FOXP2: variants seen among roughly 807,000 people sequenced by gnomAD.
FOXP2 encodes the protein forkhead box P2, also known as forkhead box protein P2.
A neutral mutation model predicts 115.8 loss-of-function variants in FOXP2; 12 were observed. The observed-to-expected ratio is 0.10, with a 90% confidence interval of 0.07 to 0.17. The LOEUF is 0.17. FOXP2 is among the 10% of genes least tolerant of loss of function. FOXP2 has a pLI of 1.00. For missense variants in FOXP2, 629 were observed against 843.5 expected (o/e 0.75, Z 3.15); for synonymous variants, 328 against 297.7 (o/e 1.10, Z -1.05).
intron 2 of FOXP2, among the ~76,000 whole-genome samples, chr7:114,376,365 T>C (rs1792136666): frequency 6.6e-6 from 1 of 152,236 alleles, no homozygotes; most frequent in Admixed American, 6.5e-5. Flanking sequence ...CTCAGTTTCC[T>C]TATGTGTTAA....
At chr7:114,139,681 T>C (rs1213173152) in intron 1 of FOXP2, among the ~76,000 whole-genome samples, 1 of 152,202 alleles carries the variant, frequency 6.6e-6, no homozygotes, top group African/African-American at 2.4e-5. Flanking sequence ...AGGCTACTAC[T>C]GTATTGTAGC....
At chr7:114,277,764 A>G (rs942450786) in intron 1 of FOXP2, among the ~76,000 whole-genome samples, 1 of 151,978 alleles carries the variant, frequency 6.6e-6, no homozygotes, top group African/African-American at 2.4e-5. Context: ...ATTTGATTAA[A>G]AAAGCAGAAA....
intron 2 of FOXP2, among the ~76,000 whole-genome samples, chr7:114,501,256 C>T (rs926283096): frequency 3.3e-5 from 5 of 152,146 alleles, no homozygotes; most frequent in East Asian, 1.9e-4. Flanking sequence ...AGGTTAGTTA[C>T]GCCAAGCCTG....
chr7:114,678,593 C>G lies in FOXP2; in HGVS notation c.2004-11189C>G, dbSNP rs546324499. On this transcript the variant is annotated intron_variant, in intron 16 of 16. Transcript: ENST00000350908. ...TTTTTTGCTTGAGAAACTAGCAACA[C>G]TTTATGCCCCTTCCTTCAATATTCA... 5.9e-4 allele frequency among the ~76,000 whole-genome samples: 67 copies of G among 114,348 alleles called. No homozygotes were observed. The Middle Eastern group carries it at 0.04, about 68-fold the overall frequency. The allele number at this position is 114,348 out of a possible 152,430, so 75.0% of individuals were successfully genotyped here. A position where few individuals can be genotyped will look rare whatever the true frequency, so the allele number is the denominator to read the frequency against.
At chr7:114,367,568 C>G (rs1010966175) in intron 2 of FOXP2, among the ~76,000 whole-genome samples, 3 of 152,088 alleles carry the variant, frequency 2.0e-5, no homozygotes, top group African/African-American at 7.2e-5. Flanking sequence ...AAACAAACAA[C>G]TAGAACCTTA....
chr7:114,625,826 T>C (rs911744314), intron 3 of FOXP2, among the ~76,000 whole-genome samples: 1 of 151,764 alleles, frequency 6.6e-6, no homozygotes, highest in Non-Finnish European at 1.5e-5. Context: ...ATATGTGGAT[T>C]TAGAGATGAT....
In FOXP2 at chr7:114,133,359, A is replaced by G. The variant is rs115460556; in HGVS notation, c.-246-29585A>G. On this transcript the variant is annotated intron_variant, in intron 1 of 19. Coordinates refer to the FOXP2 transcript ENST00000635638. ...GGATCTAATTATAGATACTAAGTAG[A>G]CAATTGGATATAAGAATCTAGAATT... 4.3e-3 allele frequency among the ~76,000 whole-genome samples: 648 copies of G among 152,364 alleles called. 3 individuals carry two copies. Among genetic ancestry groups the G allele is most frequent in the African/African-American group, 0.015 (623 of 41,582 alleles).
chr7:114,156,131 A>T (rs150472355), intron 1 of FOXP2, among the ~76,000 whole-genome samples: 1 of 151,074 alleles, frequency 6.6e-6, no homozygotes, highest in Non-Finnish European at 1.5e-5. Context: ...CACTCACCCA[A>T]CTCCTGAGAT....
rs1261972395 is a variant in FOXP2 at position 114,532,941 on chromosome 7, A to G, written c.169-1676A>G. On this transcript the variant is annotated intron_variant, in intron 2 of 16. Transcript: ENST00000350908. ...TTAAAAGAGGAAAGATATATTATTT[A>G]GAATATTGAATAAAAAGTTTCAAAT... Among the ~76,000 whole-genome samples the G allele has an allele frequency of 4.6e-5, 7 of 152,140 alleles. No individual in the cohort carries two copies. In the South Asian group the frequency reaches 1.4e-3, roughly 31 times the overall value.
chr7:114,571,485 A>G (rs1801300299), intron 3 of FOXP2, among the ~76,000 whole-genome samples: 2 of 151,870 alleles, frequency 1.3e-5, no homozygotes, highest in African/African-American at 4.8e-5. Flanking sequence ...TTCTACCTGC[A>G]TTCTTAAGAA....
At chr7:114,407,822 G>T (rs946354135) in intron 2 of FOXP2, among the ~76,000 whole-genome samples, 2 of 152,054 alleles carry the variant, frequency 1.3e-5, no homozygotes, top group African/African-American at 4.8e-5. Flanking sequence ...GATTGTTAAG[G>T]TCTGGTAAAG....
chr7:114,664,581 A>G (rs1807064005), intron 16 of FOXP2, 145 bp downstream of exon 16: 3 of 926,360 alleles, frequency 3.2e-6, no homozygotes, highest in African/African-American at 1.7e-5. Flanking sequence ...TCATAATATG[A>G]CAAAGTTTAT....
intron 1 of FOXP2, among the ~76,000 whole-genome samples, chr7:114,262,647 T>C (rs139740509): frequency 1.1e-3 from 161 of 152,342 alleles, no homozygotes; most frequent in African/African-American, 3.6e-3. Flanking sequence ...TTAAGTTTGA[T>C]TTAATTTTAA....
chr7:114,340,933 A>G (rs539716484), intron 2 of FOXP2, among the ~76,000 whole-genome samples: 2 of 151,282 alleles, frequency 1.3e-5, no homozygotes, highest in Non-Finnish European at 3.0e-5. Flanking sequence ...AAGCCCCCCT[A>G]CTTAAAATCT....
intron 2 of FOXP2, among the ~76,000 whole-genome samples, chr7:114,346,347 A>C (rs1374377498): frequency 6.6e-6 from 1 of 151,846 alleles, no homozygotes; most frequent in African/African-American, 2.4e-5. Context: ...AATCAACCTA[A>C]GTATCCAACA....
In FOXP2 at chr7:114,691,702, TACAA is replaced by T. The variant is rs904567587; in HGVS notation, c.*1780_*1783del. 3 of 454,166 alleles carry T rather than the reference TACAA, an allele frequency of 6.6e-6. No individual in the cohort carries two copies. Among genetic ancestry groups the T allele is most frequent in the Non-Finnish European group, 1.3e-5 (3 of 226,728 alleles). 28.1% of individuals were successfully genotyped at this position (454,166 alleles called of 1,614,324 possible). A position where few individuals can be genotyped will look rare whatever the true frequency, so the allele number is the denominator to read the frequency against. On this transcript the variant is annotated 3_prime_UTR_variant, in exon 17 of 17. Transcript: ENST00000350908. The stretch of plus-strand genomic sequence containing the variant: ...CATAACCTGATTATGGTTATTGCTT[TACAA>T]ACAGTTTTGACAGAAGGTGGCTGCT...
In FOXP2 at chr7:114,260,261, G is replaced by T. The variant is rs557267810; in HGVS notation, c.-101-27758G>T. On this transcript the variant is annotated intron_variant, in intron 1 of 17. Coordinates refer to the FOXP2 transcript ENST00000634411. ...ACCGCCAAAAAACCAATGTGACTTT[G>T]CAGCTCCTCCCAGGCTATTTCTACA... Among the ~76,000 whole-genome samples, 500 of 150,366 alleles carry T rather than the reference G, an allele frequency of 3.3e-3. 3 individuals carry two copies. The highest frequency in any genetic ancestry group is 0.012 in the African/African-American group (484 of 40,744).
rs555504363 is a variant in FOXP2 at position 114,206,971 on chromosome 7, C to T, written c.-102+43883C>T. 2.6e-5 allele frequency among the ~76,000 whole-genome samples: 4 copies of T among 152,274 alleles called. No homozygotes were observed. The South Asian group carries it at 8.3e-4, about 32-fold the overall frequency. On this transcript the variant is annotated intron_variant, in intron 1 of 17. Coordinates refer to the FOXP2 transcript ENST00000634411. ...CTCATTAGCAGTCTCTCACTACCTC[C>T]CCCTACTCTGTAGTCCCTGGTAACC...
At chr7:114,132,164 T>G (rs1791895937) in intron 1 of FOXP2, among the ~76,000 whole-genome samples, 1 of 152,242 alleles carries the variant, frequency 6.6e-6, no homozygotes, top group Non-Finnish European at 1.5e-5. Flanking sequence ...TACATTTTAA[T>G]AAACTAATAT....
Sources: allele counts gnomAD v4.1 joint callset (sites outside exome capture counted in the v4.1 genomes callset), GRCh38; gene constraint gnomAD v4.1.1; transcripts MANE v1.5; gene names NCBI Gene and HGNC (gene_info 2026-07-23, HGNC 2026-07-21).